Variants in SMYD2 observed in about 807,000 individuals in gnomAD.
SMYD2 encodes N-lysine methyltransferase SMYD2.
SMYD2 carries 53 observed loss-of-function variants against 59.1 expected under a neutral mutation model. The ratio of observed to expected loss-of-function variants is 0.90; its 90% CI spans 0.72 to 1.13. The LOEUF (loss-of-function observed/expected upper bound fraction) is 1.13, where lower values mean the gene tolerates loss of function less well. Ranked by LOEUF, SMYD2 falls within the 50% of genes most tolerant of loss-of-function variation. The pLI is 0.00. For synonymous variants in SMYD2, 208 were observed against 198.8 expected (o/e 1.05, Z -0.39); for missense variants, 494 against 544.7 (o/e 0.91, Z 0.93).
rs147838404 is a variant in SMYD2, at chr1:214,334,979, G to T, written c.1221+671G>T. ...CAGCATTCGCCTTTGGTTTGATGGC[G>T]GCCCTGTGCTGCCCAGGAGCCAGGC... On this transcript the variant is annotated intron_variant, in intron 11 of 11. Transcript: ENST00000366957. Among the ~76,000 whole-genome samples, 457 of 152,316 alleles carry T rather than the reference G, an allele frequency of 3.0e-3. 4 individuals carry two copies. Among genetic ancestry groups the T allele is most frequent in the African/African-American group, 0.01 (417 of 41,572 alleles).
At chr1:214,323,380 T>C (rs1046043419) in intron 5 of SMYD2, among the ~76,000 whole-genome samples, 2 of 152,194 alleles carry the variant, frequency 1.3e-5, no homozygotes, top group Non-Finnish European at 2.9e-5. Context: ...AGCCTGCTTG[T>C]TCTAAGTTAG....
chr1:214,308,135 C>T (rs541637211), intron 2 of SMYD2, among the ~76,000 whole-genome samples: 1 of 152,234 alleles, frequency 6.6e-6, no homozygotes, highest in African/African-American at 2.4e-5. Context: ...TTCTGCTTTC[C>T]TGTGCTTCTG....
intron 1 of SMYD2, 54 bp downstream of exon 1, chr1:214,281,481 G>A (rs1656444737): frequency 3.1e-6 from 4 of 1,272,666 alleles, no homozygotes; most frequent in African/African-American, 1.6e-5. Flanking sequence ...CCGAGCGGGA[G>A]GCTTGGACGG....
chr1:214,293,491 G>A (rs1227717658), intron 1 of SMYD2, among the ~76,000 whole-genome samples: 1 of 152,162 alleles, frequency 6.6e-6, no homozygotes, highest in Non-Finnish European at 1.5e-5. Flanking sequence ...TCACTGTGGA[G>A]TTTCAGAGAT....
In SMYD2 at chr1:214,327,766, A is replaced by G. The variant is rs1049823232; in HGVS notation, c.705+42A>G. ...GGGTGGCTGCAGCAGGGGGCTTGAG[A>G]CTGCTCTTTAAAAGGCAATGTGGAC... On this transcript the variant is annotated intron_variant, in intron 7 of 11. Transcript: ENST00000366957. 10 of 1,535,810 alleles carry G rather than the reference A, an allele frequency of 6.5e-6. No homozygotes were observed. The Admixed American group carries it at 1.7e-4, about 26-fold the overall frequency.
intron 5 of SMYD2, among the ~76,000 whole-genome samples, chr1:214,320,672 C>A (rs994657992): frequency 1.3e-5 from 2 of 152,114 alleles, no homozygotes; most frequent in Non-Finnish European, 2.9e-5. Flanking sequence ...ACTTCAGCTT[C>A]CCCCCAACTG....
At chr1:214,294,141 C>T (rs773423234) in intron 1 of SMYD2, among the ~76,000 whole-genome samples, 1 of 152,154 alleles carries the variant, frequency 6.6e-6, no homozygotes, top group Non-Finnish European at 1.5e-5. Flanking sequence ...TAAAAATGTT[C>T]TCCGTTCAGA....
chr1:214,328,169 A>G (rs954064076), intron 7 of SMYD2, among the ~76,000 whole-genome samples: 8 of 152,030 alleles, frequency 5.3e-5, no homozygotes, highest in Non-Finnish European at 8.8e-5. Context: ...ACCATCCCTC[A>G]AAGGTCCAAA....
intron 5 of SMYD2, among the ~76,000 whole-genome samples, chr1:214,324,147 G>T (rs1179731168): frequency 6.6e-6 from 1 of 152,062 alleles, no homozygotes; most frequent in African/African-American, 2.4e-5. Context: ...ATGTTGGTCA[G>T]GCTGGTTTCG....
chr1:214,319,056 C>T, intron 5 of SMYD2, 73 bp downstream of exon 5: 1 of 1,547,118 alleles, frequency 6.5e-7, no homozygotes, highest in South Asian at 1.2e-5. Flanking sequence ...AGCAAGCACT[C>T]AGTGAAGATG....
intron 1 of SMYD2, among the ~76,000 whole-genome samples, chr1:214,304,905 G>A (rs942973379): frequency 1.3e-5 from 2 of 152,058 alleles, no homozygotes; most frequent in African/African-American, 4.8e-5. Flanking sequence ...CTTTGGCCAG[G>A]TCACCAGTCA....
rs199826781 is a variant in SMYD2, at chr1:214,305,254, G to A, written c.237+4G>A. The A allele has an allele frequency of 1.8e-5, 29 of 1,613,946 alleles. No individual in the cohort carries two copies. The highest frequency in any genetic ancestry group is 2.4e-5 in the Non-Finnish European group (28 of 1,179,912). Reference sequence around the variant, plus strand: ...TTACTGCAATGTGGAGTGTCAGGTAGGTGCTGGGCCATTGGCAGGGAGGGC... The same window carrying A: ...TTACTGCAATGTGGAGTGTCAGGTAAGTGCTGGGCCATTGGCAGGGAGGGC... On this transcript the variant is annotated splice_donor_region_variant and intron_variant, in intron 2 of 11. Transcript: ENST00000366957.
chr1:214,301,183 T>C (rs985900804), intron 1 of SMYD2, among the ~76,000 whole-genome samples: 1 of 152,342 alleles, frequency 6.6e-6, no homozygotes, highest in Middle Eastern at 3.4e-3. Context: ...TGTCATGTTA[T>C]GTTTTAGTTG....
At chr1:214,327,277 A>G (rs11120298) in intron 6 of SMYD2, among the ~76,000 whole-genome samples, 42,178 of 152,218 alleles carry the variant, frequency 0.28, 6,287 homozygotes, top group Non-Finnish European at 0.34. Context: ...GACAGTGTAT[A>G]GTGAAGTAGC....
chr1:214,302,075 C>T (rs1202707687), intron 1 of SMYD2, among the ~76,000 whole-genome samples: 1 of 152,172 alleles, frequency 6.6e-6, no homozygotes, highest in Non-Finnish European at 1.5e-5. Flanking sequence ...GGCGCGGTAT[C>T]TCACGTCTGT....
intron 2 of SMYD2, among the ~76,000 whole-genome samples, chr1:214,311,481 A>T (rs1656998235): frequency 6.6e-6 from 1 of 152,104 alleles, no homozygotes. Context: ...ACAGGCGCAA[A>T]GGGATTAAGA....
chr1:214,332,289 C>A lies in SMYD2; in HGVS notation c.1112+97C>A, dbSNP rs184182481. 3.5e-6 allele frequency: 5 copies of A among 1,412,746 alleles called. No individual in the cohort carries two copies. The East Asian group carries it at 1.2e-4, about 34-fold the overall frequency. 87.5% of individuals were successfully genotyped at this position (1,412,746 alleles called of 1,614,324 possible). ...TCTTCCTGCCCATTGCTGAGACTTG[C>A]CTAGCGCAGCTGCCTCTTCTCTGCA... is the stretch of plus-strand genomic sequence containing the variant. On this transcript the variant is annotated intron_variant, in intron 10 of 11. Transcript: ENST00000366957.
rs6540824 is a variant in SMYD2, at chr1:214,331,234, G to A, written c.937+164G>A. 10,730 of 1,004,836 alleles carry A rather than the reference G, an allele frequency of 0.011. 776 individuals are homozygous for A. The African/African-American group carries it at 0.15, about 14-fold the overall frequency. 62.2% of individuals were successfully genotyped at this position (1,004,836 alleles called of 1,614,324 possible). ...AGGCGTACTGACCACCCACAATGTG[G>A]TGTCCATCCTGTTGGAGTTGTATGA... On this transcript the variant is annotated intron_variant, in intron 9 of 11. Coordinates refer to ENST00000366957, the MANE Select transcript of SMYD2 (RefSeq NM_020197.3).
chr1:214,311,516 T>C lies in SMYD2; in HGVS notation c.238-3246T>C, dbSNP rs549182337. On this transcript the variant is annotated intron_variant, in intron 2 of 11. Transcript: ENST00000366957. ...AAACCTGCGTTGTCACACAGCTGCT[T>C]CGCTGCGAGTGGGGATAAAATGCAG... Among the ~76,000 whole-genome samples, 3 of 152,278 alleles carry C rather than the reference T, an allele frequency of 2.0e-5. No homozygotes were observed. The East Asian group carries it at 5.8e-4, about 29-fold the overall frequency.
Sources: gnomAD v4.1 joint callset for allele counts (sites outside exome capture counted in the v4.1 genomes callset) on GRCh38, gnomAD v4.1.1 for gene constraint, MANE v1.5 for transcripts, NCBI Gene and HGNC (gene_info 2026-07-23, HGNC 2026-07-21) for gene names.